Variants in HIVEP3 observed in about 807,000 individuals in gnomAD.
HIVEP3 encodes the protein transcription factor HIVEP3.
Under a neutral mutation model 152.8 loss-of-function variants are expected in HIVEP3, and 49 were observed. The ratio of observed to expected loss-of-function variants is 0.32; its 90% CI spans 0.26 to 0.41. The LOEUF (loss-of-function observed/expected upper bound fraction) is 0.41. Among genes scored for constraint, HIVEP3 ranks in the 10% least tolerant of loss-of-function variants. The pLI is 1.00. For synonymous variants in HIVEP3, 1,269 were observed against 1,289.0 expected (o/e 0.98, Z 0.33); for missense variants, 2,790 against 3,103.3 (o/e 0.90, Z 2.40).
intron 1 of HIVEP3, among the ~76,000 whole-genome samples, chr1:41,887,055 A>G (rs1235314790): frequency 6.6e-6 from 1 of 150,792 alleles, no homozygotes; most frequent in African/African-American, 2.5e-5. Context: ...GTTTTATGCA[A>G]TGTAACTATC....
chr1:41,570,196 G>C (rs1466504091), intron 5 of HIVEP3, among the ~76,000 whole-genome samples: 1 of 152,214 alleles, frequency 6.6e-6, no homozygotes, highest in Non-Finnish European at 1.5e-5. Context: ...CAGAGATCAG[G>C]CGATGATGGG....
At chr1:41,881,006 T>C (rs1644252320) in intron 1 of HIVEP3, among the ~76,000 whole-genome samples, 1 of 152,228 alleles carries the variant, frequency 6.6e-6, no homozygotes, top group Non-Finnish European at 1.5e-5. Flanking sequence ...TTAGCCTAGC[T>C]TCCTAGAAAT....
rs1359014101 is a variant in HIVEP3 at position 41,509,846 on chromosome 1, A to AAT, written c.*604_*605insAT. ...GCAAAAAAAAAAAAAAAAAAAAAAA[A>AAT]GGAAAAGATTAGTTTTTCTGGGCCT... On this transcript the variant is annotated 3_prime_UTR_variant, in exon 9 of 9. Transcript: ENST00000372583. 2.1e-5 allele frequency: 3 copies of AAT among 139,624 alleles called. No individual in the cohort carries two copies. Among genetic ancestry groups the AAT allele is most frequent in the African/African-American group, 7.7e-5 (3 of 39,154 alleles). The allele number at this position is 139,624 out of a possible 1,614,324, so 8.6% of individuals were successfully genotyped here.
chr1:41,837,031 T>C (rs886093282), intron 1 of HIVEP3, among the ~76,000 whole-genome samples: 4 of 152,222 alleles, frequency 2.6e-5, no homozygotes, highest in African/African-American at 9.6e-5. Context: ...CAAGAGCCTA[T>C]AGGATTGGGC....
intron 2 of HIVEP3, among the ~76,000 whole-genome samples, chr1:41,655,170 C>T (rs1645610242): frequency 6.6e-6 from 1 of 152,088 alleles, no homozygotes; most frequent in Admixed American, 6.6e-5. Flanking sequence ...TTTCCATAGA[C>T]CTCCACGTGC....
At chr1:41,835,302 T>C (rs1643088873) in intron 1 of HIVEP3, among the ~76,000 whole-genome samples, 1 of 152,124 alleles carries the variant, frequency 6.6e-6, no homozygotes, top group Non-Finnish European at 1.5e-5. Context: ...TCCCAGCCAA[T>C]TAGGTTTCTG....
chr1:41,543,714 A>G (rs1643589560), intron 5 of HIVEP3: 1 of 152,426 alleles, frequency 6.6e-6, no homozygotes, highest in African/African-American at 2.4e-5. Context: ...GAACCTGACC[A>G]CAACCCAGAT....
In HIVEP3 at chr1:41,511,043, T is replaced by C. The variant is rs1569646862; in HGVS notation, c.6629A>G (p.His2210Arg). ...GGTGGGCCCTGGCAGCAGGGTGGGG[T>C]GGGCTCCTGGCCGGGCCTGCACCAT... The part of the protein sequence containing the change: ...IQMVQARPGA[H>R]PTLLPGPTAA... The change falls in exon 9 of 9, where the codon CAC (histidine) becomes CGC (arginine). Residue 2210 changes from histidine (H) to arginine (R), a missense_variant. His to Arg is a conservative substitution (Grantham distance 29). This residue lies in a region of HIVEP3 where 816 missense variants were observed against 806.5 expected (regional missense o/e 1.01). Transcript: ENST00000372583. This position sits in a 1 kb window ranked among gnomAD's most constrained non-coding sequence, Gnocchi z 4.9. 1 of 1,613,252 alleles carries C rather than the reference T, an allele frequency of 6.2e-7. No homozygotes were observed. The highest frequency in any genetic ancestry group is 1.7e-5 in the Admixed American group (1 of 59,976).
At chr1:41,641,619 T>C (rs529088241) in intron 2 of HIVEP3, among the ~76,000 whole-genome samples, 1 of 152,332 alleles carries the variant, frequency 6.6e-6, no homozygotes, top group East Asian at 1.9e-4. Flanking sequence ...TTCCATTGCA[T>C]CAGTTATTTA....
At chr1:41,573,986 G>A (rs375762386) in intron 5 of HIVEP3, among the ~76,000 whole-genome samples, 39 of 152,264 alleles carry the variant, frequency 2.6e-4, no homozygotes, top group Middle Eastern at 3.4e-3. Context: ...CATCCAGCAG[G>A]GAGCTGGGCA....
rs922798497 is a variant in HIVEP3 at position 41,662,172 on chromosome 1, G to C, written c.-720-33225C>G. ...AGGCTCCGCTGCTCTGGGCTGGGCT[G>C]CGCCGCGCTGGACTGGGCTGCGCTG... On this transcript the variant is annotated intron_variant, in intron 2 of 8. Coordinates refer to ENST00000372583, the MANE Select transcript of HIVEP3 (RefSeq NM_024503.5). This position sits in a 1 kb window ranked among gnomAD's most constrained non-coding sequence, Gnocchi z 7.2. 6 of 147,904 alleles carry C rather than the reference G, an allele frequency of 4.1e-5. No individual in the cohort carries two copies. Among genetic ancestry groups the C allele is most frequent in the Non-Finnish European group, 9.0e-5 (6 of 66,578 alleles). The allele number at this position is 147,904 out of a possible 1,614,324, so 9.2% of individuals were successfully genotyped here.
In HIVEP3 at chr1:41,873,615, C is replaced by T. The variant is rs1570713952; in HGVS notation, c.-801+44798G>A. On this transcript the variant is annotated intron_variant, in intron 1 of 8. Transcript: ENST00000372583. The surrounding 1 kb of genome is among the most constrained non-coding windows in gnomAD (Gnocchi z 4.2). Reference sequence around the variant, plus strand: ...GATAAATTTAGGTTTTCTGTATTCTCGCTGACTTGTGTTTTTCACACTGGC... The same window carrying T: ...GATAAATTTAGGTTTTCTGTATTCTTGCTGACTTGTGTTTTTCACACTGGC... 6.6e-6 allele frequency among the ~76,000 whole-genome samples: 1 copy of T among 152,198 alleles called. No individual in the cohort carries two copies. Among genetic ancestry groups the T allele is most frequent in the Admixed American group, 6.5e-5 (1 of 15,286 alleles).
intron 1 of HIVEP3, among the ~76,000 whole-genome samples, chr1:42,003,850 T>C (rs1388858713): frequency 2.0e-5 from 3 of 151,644 alleles, no homozygotes; most frequent in Non-Finnish European, 4.4e-5. Context: ...ACCTCGGACA[T>C]GCCTCTGGGG....
chr1:41,591,518 C>T (rs1644586659), intron 3 of HIVEP3, among the ~76,000 whole-genome samples: 1 of 151,998 alleles, frequency 6.6e-6, no homozygotes, highest in Non-Finnish European at 1.5e-5. Flanking sequence ...CATACCAACC[C>T]AGGGCACAAG....
At chr1:41,804,301 T>G (rs889959413) in intron 1 of HIVEP3, among the ~76,000 whole-genome samples, 1 of 152,176 alleles carries the variant, frequency 6.6e-6, no homozygotes, top group South Asian at 2.1e-4. Context: ...TTTTACTGTT[T>G]TCATGGCTCT....
intron 1 of HIVEP3, among the ~76,000 whole-genome samples, chr1:41,856,190 CA>C (rs1473197993): frequency 6.6e-6 from 1 of 152,154 alleles, no homozygotes; most frequent in Non-Finnish European, 1.5e-5. Context: ...GCAGCAAATC[CA>C]AATTTAAGAC....
chr1:41,605,672 A>C (rs1156968357), intron 3 of HIVEP3, among the ~76,000 whole-genome samples: 2 of 151,994 alleles, frequency 1.3e-5, no homozygotes, highest in Non-Finnish European at 2.9e-5. Flanking sequence ...GGCTTTAGAG[A>C]TACACACACT....
At chr1:41,521,839 C>T (rs958885854) in intron 6 of HIVEP3, among the ~76,000 whole-genome samples, 3 of 152,384 alleles carry the variant, frequency 2.0e-5, no homozygotes, top group African/African-American at 7.2e-5. Context: ...ATCTCTGTCC[C>T]CTGAGGCGAT....
chr1:42,008,520 T>C lies in HIVEP3; in HGVS notation n.119+27287A>G, dbSNP rs114717748. ...TTCTAAATCGGCTCCACAATTGTTA[T>C]ACTGGGATTTCTTTTCATTGCCCTA... On this transcript the variant is annotated intron_variant and non_coding_transcript_variant, in intron 1 of 3. Transcript: ENST00000489103. Among the ~76,000 whole-genome samples the C allele has an allele frequency of 2.6e-3, 397 of 152,352 alleles. 3 individuals are homozygous for C. The highest frequency in any genetic ancestry group is 9.2e-3 in the African/African-American group (383 of 41,582).
Sources: allele counts gnomAD v4.1 joint callset (sites outside exome capture counted in the v4.1 genomes callset), GRCh38; gene constraint gnomAD v4.1.1; regional missense constraint gnomAD v4.1.1; non-coding constraint Gnocchi (gnomAD v3.1); transcripts MANE v1.5; gene names NCBI Gene and HGNC (gene_info 2026-07-23, HGNC 2026-07-21).